The following BCL7A variants were observed in gnomAD, a reference collection of about 807,000 sequenced individuals.
BCL7A encodes BAF chromatin remodeling complex subunit BCL7A, also known as B-cell CLL/lymphoma 7 protein family member A.
A neutral mutation model predicts 28.4 loss-of-function variants in BCL7A; 11 were observed. The ratio of observed to expected loss-of-function variants is 0.39; its 90% CI spans 0.24 to 0.64. BCL7A has a LOEUF of 0.64. Ranked by LOEUF, BCL7A falls within the 30% of genes least tolerant of loss-of-function variation. The probability of loss-of-function intolerance (pLI) is 0.50; values close to 1 mark genes in which losing one functional copy is unlikely to be tolerated. For synonymous variants in BCL7A, 123 were observed against 103.3 expected, an observed-to-expected ratio of 1.19 and a Z score of -1.15; for missense variants, 222 against 274.8, an observed-to-expected ratio of 0.81 and a Z score of 1.36.
intron 4 of BCL7A, among the ~76,000 whole-genome samples, chr12:122,046,745 G>A (rs1341974741): frequency 1.3e-5 from 2 of 152,088 alleles, no homozygotes; most frequent in Non-Finnish European, 2.9e-5. Flanking sequence ...TGACAATACC[G>A]GGCCTGCTCT....
intron 1 of BCL7A, 60 bp downstream of exon 1, chr12:122,022,243 C>G: frequency 8.9e-7 from 1 of 1,129,518 alleles, no homozygotes; most frequent in Non-Finnish European, 1.1e-6. Flanking sequence ...GAGCGCGGCT[C>G]CAGAGAGCCG....
In BCL7A at chr12:122,059,402, T is replaced by C; in HGVS notation, c.*239T>C. ...CTGTCCTTGGGGAGGCAGGCGGGGC[T>C]GACAGCTCAGGAGTGTCTGCACACT... On this transcript the variant is annotated 3_prime_UTR_variant, in exon 6 of 6. Coordinates refer to ENST00000261822, the MANE Select transcript of BCL7A (RefSeq NM_001024808.3). The surrounding 1 kb of genome is among the most constrained non-coding windows in gnomAD (Gnocchi z 4.0). 6.5e-6 allele frequency: 3 copies of C among 463,904 alleles called. No individual in the cohort carries two copies. The highest frequency in any genetic ancestry group is 7.9e-6 in the Non-Finnish European group (2 of 253,836). 28.7% of individuals were successfully genotyped at this position (463,904 alleles called of 1,614,324 possible).
chr12:122,025,966 A>AAAAG (rs1565934217), intron 1 of BCL7A, among the ~76,000 whole-genome samples: 2 of 112,956 alleles, frequency 1.8e-5, no homozygotes, highest in Admixed American at 9.3e-5. Context: ...AAAAAAAAAA[A>AAAAG]AAGAAGAAAG....
At chr12:122,028,422 T>C (rs867708986) in intron 1 of BCL7A, among the ~76,000 whole-genome samples, 1 of 152,094 alleles carries the variant, frequency 6.6e-6, no homozygotes, top group African/African-American at 2.4e-5. Flanking sequence ...CTTTTTTTTT[T>C]TTTTCCCAAA....
chr12:122,056,002 A>C (rs1040248813), intron 5 of BCL7A, among the ~76,000 whole-genome samples: 1 of 152,178 alleles, frequency 6.6e-6, no homozygotes, highest in African/African-American at 2.4e-5. Context: ...CCTAGCTCTA[A>C]GGGGCTGCTT....
intron 4 of BCL7A, among the ~76,000 whole-genome samples, chr12:122,053,895 C>T (rs1884251187): frequency 6.6e-6 from 1 of 151,998 alleles, no homozygotes; most frequent in Admixed American, 6.6e-5. Flanking sequence ...ACCACATGAC[C>T]CCCATTTGGG....
Position 122,045,909 on chromosome 12 carries a change from C to T in BCL7A, c.439+1856C>T, listed in dbSNP as rs188971566. On this transcript the variant is annotated intron_variant, in intron 4 of 5. Transcript: ENST00000261822. ...TTCAAGACCACCCTAGGCAAGAAGA[C>T]GAAACCCCGTCTCTACAAAAAATAT... 1.1e-4 allele frequency among the ~76,000 whole-genome samples: 16 copies of T among 151,546 alleles called. No homozygotes were observed. In the East Asian group the frequency reaches 2.9e-3, roughly 28 times the overall value.
chr12:122,038,342 A>AG (rs1883896916), intron 3 of BCL7A, among the ~76,000 whole-genome samples: 1 of 145,710 alleles, frequency 6.9e-6, no homozygotes. Context: ...TGAGGCAAGA[A>AG]AATCGCTTGA....
At chr12:122,052,923 C>T (rs1884224899) in intron 4 of BCL7A, among the ~76,000 whole-genome samples, 1 of 147,556 alleles carries the variant, frequency 6.8e-6, no homozygotes, top group Admixed American at 6.9e-5. Context: ...CTCCTGACCT[C>T]AGCCGATCCA....
chr12:122,036,712 C>CAT (rs1883864022), intron 3 of BCL7A, among the ~76,000 whole-genome samples: 1 of 145,906 alleles, frequency 6.9e-6, no homozygotes, highest in Non-Finnish European at 1.5e-5. Context: ...CCTAAAGCTC[C>CAT]TTTTTTTTTT....
rs1883825967 is a variant in BCL7A, at chr12:122,035,235, G to A, written c.175-96G>A. On this transcript the variant is annotated intron_variant, in intron 2 of 5. Transcript: ENST00000261822. ...CCTGGGGGCTCCAGGAGGCTTCAAT[G>A]GAATAAAATATTCACACCACTCCCC... The A allele has an allele frequency of 1.0e-5, 12 of 1,173,956 alleles. No homozygotes were observed. In the Admixed American group the frequency reaches 2.3e-4, roughly 23 times the overall value. The allele number at this position is 1,173,956 out of a possible 1,614,324, so 72.7% of individuals were successfully genotyped here. A position where few individuals can be genotyped will look rare whatever the true frequency, so the allele number is the denominator to read the frequency against.
At chr12:122,022,905 C>CG (rs1287679254) in intron 1 of BCL7A, among the ~76,000 whole-genome samples, 1 of 151,492 alleles carries the variant, frequency 6.6e-6, no homozygotes, top group African/African-American at 2.4e-5. Flanking sequence ...GCGCCCCGGG[C>CG]GGGGGGCTCG....
intron 3 of BCL7A, among the ~76,000 whole-genome samples, chr12:122,040,121 C>T (rs1021449636): frequency 2.0e-5 from 3 of 152,164 alleles, no homozygotes; most frequent in Admixed American, 6.6e-5. Flanking sequence ...AATAACCAAC[C>T]GCATTTTACA....
chr12:122,034,568 T>A (rs570039024), intron 2 of BCL7A, among the ~76,000 whole-genome samples: 5 of 151,454 alleles, frequency 3.3e-5, no homozygotes, highest in African/African-American at 1.2e-4. Context: ...GAAACCCGTC[T>A]CTACTAAAAA....
chr12:122,037,773 C>T (rs1253576503), intron 3 of BCL7A, among the ~76,000 whole-genome samples: 1 of 151,820 alleles, frequency 6.6e-6, no homozygotes, highest in Non-Finnish European at 1.5e-5. Flanking sequence ...ATGGAGAAGC[C>T]CTGTCTCTAC....
At chr12:122,024,195 T>C (rs1593020463) in intron 1 of BCL7A, among the ~76,000 whole-genome samples, 1 of 152,316 alleles carries the variant, frequency 6.6e-6, no homozygotes. Context: ...AAACAACACA[T>C]CGTGTCCTCT....
chr12:122,048,923 A>T (rs776458214), intron 4 of BCL7A, among the ~76,000 whole-genome samples: 2 of 151,214 alleles, frequency 1.3e-5, no homozygotes, highest in Non-Finnish European at 2.9e-5. Flanking sequence ...CGGGAAGCTG[A>T]GGCAGGAGAA....
intron 3 of BCL7A, among the ~76,000 whole-genome samples, chr12:122,038,458 A>AAAAAAAAAAAAAAAAAAAAAC (rs1883902334): frequency 6.6e-6 from 1 of 151,192 alleles, no homozygotes; most frequent in East Asian, 1.9e-4. Context: ...AAAAAAAAAA[A>AAAAAAAAAAAAAAAAAAAAAC]AGAGCAGTGG....
intron 4 of BCL7A, among the ~76,000 whole-genome samples, chr12:122,045,308 G>T (rs1233383785): frequency 6.6e-6 from 1 of 152,180 alleles, no homozygotes; most frequent in Non-Finnish European, 1.5e-5. Flanking sequence ...TTGAACCCAG[G>T]AGGCGGAGGT....
Sources: allele counts gnomAD v4.1 joint callset (sites outside exome capture counted in the v4.1 genomes callset), GRCh38; gene constraint gnomAD v4.1.1; non-coding constraint Gnocchi (gnomAD v3.1); transcripts MANE v1.5; gene names NCBI Gene and HGNC (gene_info 2026-07-23, HGNC 2026-07-21).